Variants in STRBP observed in about 807,000 individuals in gnomAD.
STRBP encodes the protein spermatid perinuclear RNA binding protein.
In STRBP, 13 loss-of-function variants were observed where a neutral mutation model predicts 80.1. The observed-to-expected ratio is 0.16, with a 90% CI of 0.11 to 0.26. The LOEUF (loss-of-function observed/expected upper bound fraction) is 0.26. STRBP is among the 10% of genes least tolerant of loss of function. The pLI is 1.00. For synonymous variants in STRBP, 284 were observed against 291.2 expected (o/e 0.98, Z 0.25); for missense variants, 485 against 815.2 (o/e 0.59, Z 4.93).
intron 2 of STRBP, among the ~76,000 whole-genome samples, chr9:123,231,161 T>A (rs1337281690): frequency 1.3e-5 from 2 of 152,096 alleles, no homozygotes; most frequent in Non-Finnish European, 2.9e-5. Context: ...ATTTTTTTTT[T>A]AACTCTACAG....
intron 11 of STRBP, among the ~76,000 whole-genome samples, chr9:123,152,625 G>A (rs948951033): frequency 2.0e-5 from 3 of 151,846 alleles, no homozygotes; most frequent in Non-Finnish European, 4.4e-5. Flanking sequence ...AAAAAAAATC[G>A]CAAAAGGTCA....
Position 123,110,858 on chromosome 9 carries a change from G to A in STRBP, c.*85-1105C>T, listed in dbSNP as rs1163997979. The A allele has an allele frequency of 5.9e-6, 1 of 169,332 alleles. No individual in the cohort carries two copies. The highest frequency in any genetic ancestry group is 1.5e-5 in the Non-Finnish European group (1 of 68,256). 10.5% of individuals were successfully genotyped at this position (169,332 alleles called of 1,614,324 possible). On this transcript the variant is annotated intron_variant and NMD_transcript_variant, in intron 3 of 3. Transcript: ENST00000471564. This position sits in a 1 kb window ranked among gnomAD's most constrained non-coding sequence, Gnocchi z 4.1. Reference sequence around the variant, plus strand: ...AAAGCATCTCCCACAGCCATGGTAGGTCCCATCCCTGAGAAGCTGCCACAT... The same window carrying A: ...AAAGCATCTCCCACAGCCATGGTAGATCCCATCCCTGAGAAGCTGCCACAT...
At chr9:123,243,046 TC>T (rs2040727175) in intron 1 of STRBP, among the ~76,000 whole-genome samples, 1 of 151,998 alleles carries the variant, frequency 6.6e-6, no homozygotes, top group Non-Finnish European at 1.5e-5. Flanking sequence ...TTGGAGAAAT[TC>T]TACCAAATTT....
At chr9:123,226,196 C>A (rs536265353) in intron 2 of STRBP, among the ~76,000 whole-genome samples, 2 of 152,224 alleles carry the variant, frequency 1.3e-5, no homozygotes, top group East Asian at 3.9e-4. Context: ...CTTAAGAAAT[C>A]AGATCAATGG....
chr9:123,122,234 G>T lies in STRBP; in HGVS notation c.*3363C>A. The T allele has an allele frequency of 2.1e-6, 2 of 957,318 alleles. No homozygotes were observed. Among genetic ancestry groups the T allele is most frequent in the Non-Finnish European group, 2.9e-6 (2 of 690,520 alleles). 59.3% of individuals were successfully genotyped at this position (957,318 alleles called of 1,614,324 possible). On this transcript the variant is annotated 3_prime_UTR_variant, in exon 19 of 19. Coordinates refer to ENST00000348403, the MANE Select transcript of STRBP (RefSeq NM_018387.5). ...CACAGCTTACAGTCACTATATCTCA[G>T]CCTATTTTATACAAGTGATATGGCT... is the stretch of plus-strand genomic sequence containing the variant.
At chr9:123,159,064 A>G in intron 9 of STRBP, 32 bp downstream of exon 9, 1 of 1,530,606 alleles carries the variant, frequency 6.5e-7, no homozygotes, top group South Asian at 1.1e-5. Flanking sequence ...AGATTTGCTG[A>G]TTGTTCTGCT....
chr9:123,117,901 GGATACA>G (rs2035672075), downstream of STRBP, among the ~76,000 whole-genome samples: 2 of 152,184 alleles, frequency 1.3e-5, no homozygotes, highest in Admixed American at 1.3e-4. Flanking sequence ...CTTCCTCTGT[GGATACA>G]GATGCAATGC....
chr9:123,132,839 C>CTA lies in STRBP; in HGVS notation c.1897+4_1897+5dup. On this transcript the variant is annotated splice_donor_region_variant and intron_variant, in intron 17 of 18. Transcript: ENST00000348403. ...GGGGGCCAATCTCTTGCAGTTTGTACTATACCTGGAGCTATGTAGCCAGGA... is the reference window on the plus strand; with the variant it reads ...GGGGGCCAATCTCTTGCAGTTTGTACTATATACCTGGAGCTATGTAGCCAGGA... The CTA allele has an allele frequency of 6.2e-7, 1 of 1,613,808 alleles. No homozygotes were observed. The highest frequency in any genetic ancestry group is 1.1e-5 in the South Asian group (1 of 91,034).
chr9:123,153,215 G>A (rs969849558), intron 11 of STRBP, among the ~76,000 whole-genome samples: 3 of 148,968 alleles, frequency 2.0e-5, no homozygotes, highest in Admixed American at 6.7e-5. Flanking sequence ...TTCTGAGACA[G>A]AGTCTCGCTC....
At position 123,125,550 on chromosome 9, in the gene STRBP, G is replaced by A; in HGVS notation, c.*47C>T. The A allele has an allele frequency of 1.3e-6, 2 of 1,581,928 alleles. No individual in the cohort carries two copies. The highest frequency in any genetic ancestry group is 1.7e-6 in the Non-Finnish European group (2 of 1,166,868). On this transcript the variant is annotated 3_prime_UTR_variant, in exon 19 of 19. Transcript: ENST00000348403. ...AAAAAGGCTTTTTCTCTAACATTCT[G>A]TGTTGTACTGTATTGTTGTTCAATA...
At chr9:123,198,079 T>C (rs2039171529) in intron 2 of STRBP, among the ~76,000 whole-genome samples, 1 of 152,202 alleles carries the variant, frequency 6.6e-6, no homozygotes, top group African/African-American at 2.4e-5. Flanking sequence ...TTTTTTCATA[T>C]GTATCCTGGC....
intron 2 of STRBP, among the ~76,000 whole-genome samples, chr9:123,188,573 C>T (rs537243201): frequency 1.2e-4 from 18 of 152,024 alleles, no homozygotes; most frequent in Non-Finnish European, 1.9e-4. Flanking sequence ...ACCCAGGAGG[C>T]GAAGCTTGCA....
At chr9:123,256,150 A>G (rs1016117692) in intron 1 of STRBP, among the ~76,000 whole-genome samples, 1 of 150,554 alleles carries the variant, frequency 6.6e-6, no homozygotes, top group Non-Finnish European at 1.5e-5. Context: ...CAGGCTCCCA[A>G]GTAACTGAGA....
intron 17 of STRBP, 54 bp from the exon 18 acceptor site, chr9:123,128,312 T>C (rs140478749): frequency 2.5e-4 from 399 of 1,607,792 alleles, no homozygotes; most frequent in Non-Finnish European, 2.1e-4. Context: ...CAATCATCAC[T>C]GGCCCAATTC....
At chr9:123,166,025 C>T (rs1294030334) in intron 6 of STRBP, among the ~76,000 whole-genome samples, 4 of 152,184 alleles carry the variant, frequency 2.6e-5, no homozygotes, top group Non-Finnish European at 5.9e-5. Flanking sequence ...TGTTAATTCA[C>T]TTAACAGATT....
chr9:123,190,952 T>G (rs1043276567), intron 2 of STRBP, among the ~76,000 whole-genome samples: 3 of 152,156 alleles, frequency 2.0e-5, no homozygotes, highest in African/African-American at 7.2e-5. Context: ...TCAATGCATT[T>G]CAACAAGTAT....
intron 2 of STRBP, among the ~76,000 whole-genome samples, chr9:123,206,926 C>T (rs1411741404): frequency 6.6e-6 from 1 of 152,150 alleles, no homozygotes; most frequent in Non-Finnish European, 1.5e-5. Flanking sequence ...GCATGAGCCA[C>T]CGCGCCCAGC....
Position 123,173,770 on chromosome 9 carries a change from A to G in STRBP, c.297T>C (p.Asp99=). The G allele has an allele frequency of 6.2e-7, 1 of 1,613,986 alleles. No homozygotes were observed. Among genetic ancestry groups the G allele is most frequent in the African/African-American group, 1.3e-5 (1 of 75,036 alleles). The change falls in exon 5 of 19, where the codon GAT becomes GAC. Residue 99 remains aspartate, a synonymous_variant. Transcript: ENST00000348403. ...TTAAAACCAGCTCCAAGTCCATATCATCTTTAATCAGCAAGCCTTTTGCAA... is the reference window on the plus strand; with the variant it reads ...TTAAAACCAGCTCCAAGTCCATATCGTCTTTAATCAGCAAGCCTTTTGCAA... The part of the protein sequence containing the change: ...GLVAKGLLIK[D]DMDLELVLMC...
At chr9:123,163,963 A>C (rs1235178955) in intron 6 of STRBP, among the ~76,000 whole-genome samples, 1 of 152,246 alleles carries the variant, frequency 6.6e-6, no homozygotes, top group Non-Finnish European at 1.5e-5. Context: ...AACAGATAAG[A>C]AACAGCATGG....
Sources: allele counts gnomAD v4.1 joint callset (sites outside exome capture counted in the v4.1 genomes callset), GRCh38; gene constraint gnomAD v4.1.1; non-coding constraint Gnocchi (gnomAD v3.1); transcripts MANE v1.5; gene names NCBI Gene and HGNC (gene_info 2026-07-23, HGNC 2026-07-21).